The following NSMCE2 variants were observed in gnomAD, a reference collection of about 807,000 sequenced individuals.
The protein encoded by NSMCE2 is E3 SUMO-protein ligase NSE2.
In NSMCE2, 24 loss-of-function variants were observed where a neutral mutation model predicts 23.8. The ratio of observed to expected loss-of-function variants is 1.01; its 90% CI spans 0.73 to 1.42. The LOEUF (loss-of-function observed/expected upper bound fraction) is 1.42, where lower values mean the gene tolerates loss of function less well. NSMCE2 is among the 40% of genes most tolerant of loss of function. The pLI is 0.00. For missense variants in NSMCE2, 284 were observed against 296.5 expected (o/e 0.96, Z 0.31); for synonymous variants, 92 against 94.1 (o/e 0.98, Z 0.13).
intron 5 of NSMCE2, among the ~76,000 whole-genome samples, chr8:125,210,958 C>T (rs1056396120): frequency 6.6e-6 from 1 of 151,970 alleles, no homozygotes; most frequent in Non-Finnish European, 1.5e-5. Context: ...GTCTTGGACC[C>T]CTGGCCTCAA....
chr8:125,284,378 G>T (rs1827815138), intron 5 of NSMCE2, among the ~76,000 whole-genome samples: 1 of 152,134 alleles, frequency 6.6e-6, no homozygotes, highest in Non-Finnish European at 1.5e-5. Flanking sequence ...CCACTTCAGA[G>T]AAGGAGGGAT....
At chr8:125,300,934 T>C (rs1453331016) in intron 5 of NSMCE2, among the ~76,000 whole-genome samples, 1 of 152,206 alleles carries the variant, frequency 6.6e-6, no homozygotes, top group East Asian at 1.9e-4. Flanking sequence ...TGAATCATCC[T>C]ACCTAACCAG....
At chr8:125,320,346 T>C (rs189584153) in intron 5 of NSMCE2, among the ~76,000 whole-genome samples, 64 of 150,696 alleles carry the variant, frequency 4.2e-4, no homozygotes, top group African/African-American at 1.3e-3. Flanking sequence ...GCTGAAAATT[T>C]TCCAAATTTC....
intron 4 of NSMCE2, among the ~76,000 whole-genome samples, chr8:125,165,395 G>A (rs1821827720): frequency 6.6e-6 from 1 of 152,174 alleles, no homozygotes; most frequent in Non-Finnish European, 1.5e-5. Context: ...ATATAAGATG[G>A]TATTTTCCAA....
intron 3 of NSMCE2, among the ~76,000 whole-genome samples, chr8:125,144,465 C>T (rs969713690): frequency 3.9e-5 from 6 of 152,148 alleles, no homozygotes; most frequent in Admixed American, 6.5e-5. Flanking sequence ...TGAACAAATA[C>T]GGTATGAACA....
chr8:125,244,852 A>G (rs942910914), intron 5 of NSMCE2, among the ~76,000 whole-genome samples: 1 of 152,220 alleles, frequency 6.6e-6, no homozygotes, highest in Non-Finnish European at 1.5e-5. Context: ...ACAAAAAAAG[A>G]TATAGAGGAG....
At chr8:125,277,510 CTTTTTTT>C (rs60732204) in intron 5 of NSMCE2, among the ~76,000 whole-genome samples, 1 of 145,168 alleles carries the variant, frequency 6.9e-6, no homozygotes, top group East Asian at 2.0e-4. Flanking sequence ...TCTTCTTCTT[CTTTTTTT>C]TTTTTTCGAG....
At chr8:125,312,547 C>T (rs894428900) in intron 5 of NSMCE2, among the ~76,000 whole-genome samples, 14 of 152,182 alleles carry the variant, frequency 9.2e-5, no homozygotes, top group African/African-American at 3.1e-4. Flanking sequence ...ATTGCTTGAA[C>T]CTGGGAGGCA....
chr8:125,200,606 AT>A (rs1406409123), intron 5 of NSMCE2, among the ~76,000 whole-genome samples: 3 of 151,654 alleles, frequency 2.0e-5, no homozygotes. Flanking sequence ...TGCCCTTAAC[AT>A]TTTTTCCTCC....
chr8:125,217,208 TAC>T (rs1268941687), intron 5 of NSMCE2, among the ~76,000 whole-genome samples: 6 of 152,200 alleles, frequency 3.9e-5, no homozygotes, highest in Non-Finnish European at 5.9e-5. Context: ...TCCTGTCTAT[TAC>T]ATATTATGCT....
intron 5 of NSMCE2, among the ~76,000 whole-genome samples, chr8:125,340,022 T>G (rs537025546): frequency 7.4e-4 from 106 of 144,174 alleles, no homozygotes; most frequent in African/African-American, 1.8e-3. Context: ...GTTTTTTTTT[T>G]TTTTTTTTTT....
At chr8:125,138,684 A>G (rs1820197312) in intron 3 of NSMCE2, among the ~76,000 whole-genome samples, 1 of 152,174 alleles carries the variant, frequency 6.6e-6, no homozygotes, top group African/African-American at 2.4e-5. Context: ...AAGCATGTTT[A>G]AGTAAGGCAG....
intron 3 of NSMCE2, among the ~76,000 whole-genome samples, chr8:125,125,049 C>A (rs896300312): frequency 6.6e-6 from 1 of 152,120 alleles, no homozygotes; most frequent in Admixed American, 6.5e-5. Flanking sequence ...CCTGCCTCAG[C>A]CTCCCAAAGT....
At chr8:125,325,165 C>G (rs1829614803) in intron 5 of NSMCE2, among the ~76,000 whole-genome samples, 1 of 152,074 alleles carries the variant, frequency 6.6e-6, no homozygotes, top group Non-Finnish European at 1.5e-5. Flanking sequence ...ATTATAGTCT[C>G]AGTTACTCAG....
At chr8:125,233,198 T>A (rs1688419445) in intron 5 of NSMCE2, among the ~76,000 whole-genome samples, 1 of 152,240 alleles carries the variant, frequency 6.6e-6, no homozygotes, top group South Asian at 2.1e-4. Context: ...TTGGGAATAC[T>A]GTAGAGCTGT....
chr8:125,135,677 C>T (rs1365309320), intron 3 of NSMCE2, among the ~76,000 whole-genome samples: 2 of 152,066 alleles, frequency 1.3e-5, no homozygotes, highest in African/African-American at 4.8e-5. Flanking sequence ...TGTTTTTTCT[C>T]AGCTGAATTG....
At chr8:125,106,192 C>G (rs1164538231) in intron 3 of NSMCE2, among the ~76,000 whole-genome samples, 1 of 152,138 alleles carries the variant, frequency 6.6e-6, no homozygotes, top group African/African-American at 2.4e-5. Flanking sequence ...TTAAGTAGTT[C>G]TTCCCTTCAT....
At chr8:125,361,700 C>T (rs550879636) in intron 7 of NSMCE2, among the ~76,000 whole-genome samples, 10 of 152,226 alleles carry the variant, frequency 6.6e-5, no homozygotes, top group African/African-American at 1.9e-4. Context: ...CTTTTGGGAG[C>T]GAAGAGCGCT....
intron 5 of NSMCE2, among the ~76,000 whole-genome samples, chr8:125,245,662 A>C (rs1310459048): frequency 2.0e-5 from 3 of 152,200 alleles, no homozygotes; most frequent in African/African-American, 7.2e-5. Flanking sequence ...GCAATTAATG[A>C]ATTAGAAAAG....
Sources: gnomAD v4.1 joint callset for allele counts (sites outside exome capture counted in the v4.1 genomes callset) on GRCh38, gnomAD v4.1.1 for gene constraint, MANE v1.5 for transcripts, NCBI Gene and HGNC (gene_info 2026-07-23, HGNC 2026-07-21) for gene names.